The following ARHGAP42 variants were observed in gnomAD, a reference collection of about 807,000 sequenced individuals.
ARHGAP42 encodes the protein Rho GTPase activating protein 42, also known as rho GTPase-activating protein 42.
ARHGAP42 carries 63 observed loss-of-function variants against 125.0 expected under a neutral mutation model. That is an observed-to-expected ratio of 0.50 (90% CI 0.41 to 0.62). The LOEUF is 0.62. ARHGAP42 is among the 20% of genes least tolerant of loss of function. ARHGAP42 has a pLI of 0.00. For synonymous variants in ARHGAP42, 339 were observed against 351.0 expected, an observed-to-expected ratio of 0.97 and a Z score of 0.38; for missense variants, 766 against 1,024.2, an observed-to-expected ratio of 0.75 and a Z score of 3.44.
intron 12 of ARHGAP42, 36 bp downstream of exon 12, chr11:100,949,992 T>A (rs1868132676): frequency 7.6e-7 from 1 of 1,318,024 alleles, no homozygotes; most frequent in Non-Finnish European, 1.1e-6. Context: ...AATTTTATCA[T>A]GAAGTTATTT....
intron 4 of ARHGAP42, among the ~76,000 whole-genome samples, chr11:100,863,921 A>G (rs939931800): frequency 5.3e-5 from 8 of 152,206 alleles, no homozygotes; most frequent in Non-Finnish European, 8.8e-5. Context: ...ATATATCTGT[A>G]ATCGTCGTAT....
chr11:100,884,062 G>C (rs982486877), intron 4 of ARHGAP42, among the ~76,000 whole-genome samples: 1 of 152,182 alleles, frequency 6.6e-6, no homozygotes, highest in Non-Finnish European at 1.5e-5. Context: ...ACCGCACACA[G>C]TGGATTTTCC....
At chr11:100,822,329 T>A (rs1307060197) in intron 3 of ARHGAP42, among the ~76,000 whole-genome samples, 1 of 152,124 alleles carries the variant, frequency 6.6e-6, no homozygotes, top group East Asian at 1.9e-4. Flanking sequence ...AATTTTTCTA[T>A]CATTAGTGTC....
chr11:100,992,335 C>T lies in ARHGAP42; in HGVS notation c.*3534C>T, dbSNP rs142437467. 13 of 1,610,222 alleles carry T rather than the reference C, an allele frequency of 8.1e-6. No individual in the cohort carries two copies. The highest frequency in any genetic ancestry group is 2.7e-5 in the African/African-American group (2 of 74,896). On this transcript the variant is annotated 3_prime_UTR_variant, in exon 24 of 24. Coordinates refer to ENST00000298815, the MANE Select transcript of ARHGAP42 (RefSeq NM_152432.4). ...TGACCTCACATCACTGCGTAGGACC[C>T]GGAAATCACATCTCCTGGTCAGGTC...
intron 4 of ARHGAP42, among the ~76,000 whole-genome samples, chr11:100,912,004 C>T (rs1390726563): frequency 1.3e-5 from 2 of 152,164 alleles, no homozygotes; most frequent in East Asian, 3.8e-4. Flanking sequence ...CAGAACCTGA[C>T]TTACTCTCCC....
chr11:100,858,110 TG>T (rs1160334903), intron 3 of ARHGAP42, among the ~76,000 whole-genome samples: 4 of 148,496 alleles, frequency 2.7e-5, no homozygotes, highest in East Asian at 2.0e-4. Flanking sequence ...TGTGTGTGTG[TG>T]TGTGTGTGTG....
chr11:100,881,437 G>A (rs961646366), intron 4 of ARHGAP42, among the ~76,000 whole-genome samples: 12 of 152,148 alleles, frequency 7.9e-5, no homozygotes, highest in Non-Finnish European at 1.6e-4. Flanking sequence ...ATTGGTCTAT[G>A]TGCCTATTTT....
chr11:100,784,512 T>G (rs1372815418), intron 2 of ARHGAP42, among the ~76,000 whole-genome samples: 2 of 152,116 alleles, frequency 1.3e-5, no homozygotes, highest in East Asian at 3.9e-4. Flanking sequence ...ATTTGGTGAT[T>G]GGATATATGG....
chr11:100,792,379 T>G (rs1863586217), intron 2 of ARHGAP42, among the ~76,000 whole-genome samples: 1 of 152,234 alleles, frequency 6.6e-6, no homozygotes, highest in South Asian at 2.1e-4. Context: ...TAATGAAAAC[T>G]AGCAATCTCC....
intron 22 of ARHGAP42, 146 bp from the exon 23 acceptor site, chr11:100,987,367 G>C (rs145797581): frequency 0.013 from 8,432 of 634,156 alleles, 72 homozygotes; most frequent in Non-Finnish European, 0.017. Context: ...AGTGCAAAAA[G>C]CACCGATGTA....
At position 100,885,208 on chromosome 11, in the gene ARHGAP42, T is replaced by C. The variant is rs193088697; in HGVS notation, c.384+25583T>C. On this transcript the variant is annotated intron_variant, in intron 4 of 23. Coordinates refer to ENST00000298815, the MANE Select transcript of ARHGAP42 (RefSeq NM_152432.4). ...TAAACAGTTTAGCAGCCACTTTCCC[T>C]TTATGCCTGACAGGGTGTGGGACAA... 6.1e-4 allele frequency among the ~76,000 whole-genome samples: 93 copies of C among 152,318 alleles called. 1 individual carries two copies. The East Asian group carries it at 0.014, about 23-fold the overall frequency.
At chr11:100,846,047 A>T (rs1865059250) in intron 3 of ARHGAP42, among the ~76,000 whole-genome samples, 1 of 152,160 alleles carries the variant, frequency 6.6e-6, no homozygotes, top group Admixed American at 6.6e-5. Context: ...TTCAAGATTC[A>T]TTTCCAAAAT....
intron 1 of ARHGAP42, among the ~76,000 whole-genome samples, chr11:100,765,425 TC>T (rs144650369): frequency 0.061 from 9,294 of 152,244 alleles, 367 homozygotes; most frequent in East Asian, 0.19. Flanking sequence ...GTTCTGCTTT[TC>T]CTAGCTTGTG....
rs189553862 is a variant in ARHGAP42, at chr11:100,893,746, C to G, written c.385-19706C>G. ...TTTTGAATTTTTGGTAACCACAGAA[C>G]TAAGCTTTTAGGAATTTTCCTAATT... On this transcript the variant is annotated intron_variant, in intron 4 of 23. Coordinates refer to ENST00000298815, the MANE Select transcript of ARHGAP42 (RefSeq NM_152432.4). Among the ~76,000 whole-genome samples, 308 of 152,138 alleles carry G rather than the reference C, an allele frequency of 2.0e-3. 1 individual carries two copies. The highest frequency in any genetic ancestry group is 7.2e-3 in the African/African-American group (300 of 41,524).
At chr11:100,859,768 C>A (rs1422111700) in intron 4 of ARHGAP42, 143 bp downstream of exon 4, 4 of 560,438 alleles carry the variant, frequency 7.1e-6, no homozygotes, top group Non-Finnish European at 1.2e-5. Flanking sequence ...AGAGACTTAA[C>A]AAAGACTGGA....
chr11:100,973,910 C>T (rs1366072146), intron 18 of ARHGAP42, among the ~76,000 whole-genome samples: 3 of 152,174 alleles, frequency 2.0e-5, no homozygotes, highest in African/African-American at 7.2e-5. Context: ...AGGCCTTCTC[C>T]TCCCCTGGGT....
At chr11:100,936,461 C>G in intron 8 of ARHGAP42, 129 bp downstream of exon 8, 1 of 1,190,642 alleles carries the variant, frequency 8.4e-7, no homozygotes, top group Non-Finnish European at 1.2e-6. Flanking sequence ...TACTTTCCCC[C>G]CACCACAACC....
intron 1 of ARHGAP42, among the ~76,000 whole-genome samples, chr11:100,699,122 C>G (rs1050651970): frequency 6.6e-6 from 1 of 152,108 alleles, no homozygotes; most frequent in Non-Finnish European, 1.5e-5. Context: ...ACCCTGACCT[C>G]ATTTTCCTAA....
At chr11:100,868,465 TAACCGTTA>T (rs1865626784) in intron 4 of ARHGAP42, among the ~76,000 whole-genome samples, 1 of 152,212 alleles carries the variant, frequency 6.6e-6, no homozygotes, top group South Asian at 2.1e-4. Flanking sequence ...GCCTATTAAA[TAACCGTTA>T]AACTCATTTT....
Sources: gnomAD v4.1 joint callset for allele counts (sites outside exome capture counted in the v4.1 genomes callset) on GRCh38, gnomAD v4.1.1 for gene constraint, MANE v1.5 for transcripts, NCBI Gene and HGNC (gene_info 2026-07-23, HGNC 2026-07-21) for gene names.